DLGAP4: variants seen among roughly 807,000 people sequenced by gnomAD.
DLGAP4 encodes disks large-associated protein 4.
In DLGAP4, 18 loss-of-function variants were observed where a neutral mutation model predicts 86.9. The observed-to-expected ratio is 0.21, with a 90% CI of 0.14 to 0.31. DLGAP4 has a LOEUF of 0.31. Ranked by LOEUF, DLGAP4 falls within the 10% of genes least tolerant of loss-of-function variation. DLGAP4 has a pLI of 1.00. For synonymous variants in DLGAP4, 548 were observed against 574.3 expected, an observed-to-expected ratio of 0.95 and a Z score of 0.65; for missense variants, 1,085 against 1,362.6, an observed-to-expected ratio of 0.80 and a Z score of 3.21.
intron 7 of DLGAP4, chr20:36,461,503 G>A (rs2034044624): frequency 2.0e-6 from 2 of 983,118 alleles, no homozygotes; most frequent in Non-Finnish European, 2.4e-6. Flanking sequence ...GCTGCGTGAG[G>A]GAGGAGGGTG....
intron 10 of DLGAP4, chr20:36,507,983 A>G (rs2036473666): frequency 6.6e-6 from 1 of 152,286 alleles, no homozygotes; most frequent in African/African-American, 2.4e-5. Context: ...GCAGCATGGC[A>G]GCCTTCTTGC....
At chr20:36,427,182 CAAAA>C (rs1045354410) in intron 2 of DLGAP4, among the ~76,000 whole-genome samples, 60 of 151,544 alleles carry the variant, frequency 4.0e-4, no homozygotes, top group African/African-American at 1.3e-3. Context: ...GACCCTGTCT[CAAAA>C]GAAAGAAAGA....
chr20:36,461,488 G>A, intron 7 of DLGAP4: 2 of 982,058 alleles, frequency 2.0e-6, no homozygotes, highest in Non-Finnish European at 2.4e-6. Context: ...GGAGCCTCGG[G>A]CCGGGCTGCG....
rs1446235011 is a variant in DLGAP4 at position 36,527,057 on chromosome 20, T to C, written c.*26T>C. On this transcript the variant is annotated 3_prime_UTR_variant, in exon 13 of 13. Transcript: ENST00000339266. The stretch of plus-strand genomic sequence containing the variant: ...GACCATGCAGGAGGAAAGAAACGAT[T>C]TTAAATCATTAAAAACACAAAAACT... 4 of 1,561,320 alleles carry C rather than the reference T, an allele frequency of 2.6e-6. No homozygotes were observed. The highest frequency in any genetic ancestry group is 3.5e-6 in the Non-Finnish European group (4 of 1,153,336).
chr20:36,491,478 G>A (rs2035659948), intron 7 of DLGAP4, among the ~76,000 whole-genome samples: 1 of 152,164 alleles, frequency 6.6e-6, no homozygotes, highest in South Asian at 2.1e-4. Context: ...ATGGGGATGG[G>A]TGGTTTCACG....
intron 7 of DLGAP4, among the ~76,000 whole-genome samples, chr20:36,455,237 C>T (rs1265409370): frequency 4.0e-5 from 6 of 151,652 alleles, no homozygotes; most frequent in Non-Finnish European, 8.8e-5. Flanking sequence ...ACCATCTTTG[C>T]CTTCTGTCTG....
intron 7 of DLGAP4, among the ~76,000 whole-genome samples, chr20:36,454,255 T>A (rs1441674914): frequency 1.3e-5 from 1 of 75,984 alleles, no homozygotes; most frequent in Non-Finnish European, 3.6e-5. Flanking sequence ...CGAGACTCTG[T>A]CTCAAAAAAA....
At chr20:36,361,559 C>CG (rs1184987590) in intron 1 of DLGAP4, among the ~76,000 whole-genome samples, 1 of 152,028 alleles carries the variant, frequency 6.6e-6, no homozygotes, top group Non-Finnish European at 1.5e-5. Flanking sequence ...GGGAGGCAGC[C>CG]GGGCACCTAG....
intron 2 of DLGAP4, among the ~76,000 whole-genome samples, chr20:36,386,414 G>A (rs1356006618): frequency 6.6e-6 from 1 of 150,996 alleles, no homozygotes. Context: ...AAGGAAGGGA[G>A]GAAGGGAAGG....
chr20:36,321,671 C>T (rs1194415653), intron 1 of DLGAP4, among the ~76,000 whole-genome samples: 1 of 152,148 alleles, frequency 6.6e-6, no homozygotes, highest in Non-Finnish European at 1.5e-5. Context: ...TAATATGCCA[C>T]CCACTGGGGC....
intron 7 of DLGAP4, among the ~76,000 whole-genome samples, chr20:36,453,784 T>C (rs1321464417): frequency 6.7e-6 from 1 of 149,384 alleles, no homozygotes; most frequent in African/African-American, 2.5e-5. Flanking sequence ...AATACAAAAA[T>C]TAGCTGGGCA....
intron 2 of DLGAP4, among the ~76,000 whole-genome samples, chr20:36,407,510 C>A (rs2032359059): frequency 2.0e-5 from 3 of 152,032 alleles, no homozygotes; most frequent in South Asian, 4.2e-4. Context: ...AGAGAAGACT[C>A]CAGAGTTGCT....
At chr20:36,452,413 C>T (rs907207444) in intron 7 of DLGAP4, among the ~76,000 whole-genome samples, 12 of 152,094 alleles carry the variant, frequency 7.9e-5, no homozygotes, top group African/African-American at 2.9e-4. Context: ...CTCCTGGGCT[C>T]AAGTGATCCT....
chr20:36,467,528 G>C (rs554653309), intron 7 of DLGAP4, among the ~76,000 whole-genome samples: 2 of 152,344 alleles, frequency 1.3e-5, no homozygotes, highest in Non-Finnish European at 2.9e-5. Context: ...AGCAGAGGTA[G>C]CACAACTGGA....
intron 1 of DLGAP4, among the ~76,000 whole-genome samples, chr20:36,346,210 C>T (rs575249204): frequency 6.6e-6 from 1 of 152,336 alleles, no homozygotes; most frequent in African/African-American, 2.4e-5. Flanking sequence ...TGGGCAGAGT[C>T]CAAGGACTGA....
intron 2 of DLGAP4, among the ~76,000 whole-genome samples, chr20:36,398,061 C>A (rs934413623): frequency 6.6e-6 from 1 of 152,160 alleles, no homozygotes; most frequent in South Asian, 2.1e-4. Flanking sequence ...GCAGAGGTTG[C>A]GGTGAGCTGA....
In DLGAP4 at chr20:36,500,094, C is replaced by CG; in HGVS notation, c.2100-104dup. 3 of 1,295,322 alleles carry CG rather than the reference C, an allele frequency of 2.3e-6. No individual in the cohort carries two copies. Among genetic ancestry groups the CG allele is most frequent in the Non-Finnish European group, 3.2e-6 (3 of 944,894 alleles). The allele number at this position is 1,295,322 out of a possible 1,614,324, so 80.2% of individuals were successfully genotyped here. ...GCGCATGGTGAGCAGATGATGCATC[C>CG]GTTTCTCTGTCTCCCGTGTGTCCGG... On this transcript the variant is annotated intron_variant, in intron 9 of 12. Coordinates refer to ENST00000339266, the MANE Select transcript of DLGAP4 (RefSeq NM_001365621.2). The surrounding 1 kb of genome is among the most constrained non-coding windows in gnomAD (Gnocchi z 4.6).
chr20:36,438,432 C>T (rs887915949), intron 4 of DLGAP4, among the ~76,000 whole-genome samples: 8 of 149,900 alleles, frequency 5.3e-5, no homozygotes, highest in African/African-American at 2.0e-4. Context: ...TTGCTCTCCC[C>T]TTGCTCATCA....
intron 2 of DLGAP4, among the ~76,000 whole-genome samples, chr20:36,391,209 G>A (rs1000043422): frequency 2.0e-5 from 3 of 152,122 alleles, no homozygotes; most frequent in Non-Finnish European, 4.4e-5. Context: ...ACCTATAGCC[G>A]TGGGAGATAG....
Sources: allele counts gnomAD v4.1 joint callset (sites outside exome capture counted in the v4.1 genomes callset), GRCh38; gene constraint gnomAD v4.1.1; non-coding constraint Gnocchi (gnomAD v3.1); transcripts MANE v1.5; gene names NCBI Gene and HGNC (gene_info 2026-07-23, HGNC 2026-07-21).